Variants in COLEC11 observed in about 807,000 individuals in gnomAD.
COLEC11 encodes the protein collectin-11.
COLEC11 carries 20 observed loss-of-function variants against 27.3 expected under a neutral mutation model. That is an observed-to-expected ratio of 0.73 (90% CI 0.51 to 1.06). COLEC11 has a LOEUF of 1.06. Ranked by LOEUF, COLEC11 falls within the 50% of genes least tolerant of loss-of-function variation. The probability of loss-of-function intolerance (pLI) is 0.00; values close to 1 mark genes in which losing one functional copy is unlikely to be tolerated. For synonymous variants in COLEC11, 163 were observed against 154.7 expected (o/e 1.05, Z -0.40); for missense variants, 310 against 383.0 (o/e 0.81, Z 1.59).
chr2:3,612,132 A>G (rs536261149), intron 2 of COLEC11, among the ~76,000 whole-genome samples: 2 of 152,252 alleles, frequency 1.3e-5, no homozygotes, highest in Admixed American at 1.3e-4. Flanking sequence ...ACGCTGGCAC[A>G]ATTGTGCAGA....
chr2:3,603,478 A>G lies in COLEC11; in HGVS notation c.-26-837A>G, dbSNP rs976432368. On this transcript the variant is annotated intron_variant, in intron 1 of 6. Transcript: ENST00000349077. ...ATTAGAGGTGCCCGCCACCACACCC[A>G]GCTAATTTTTGTATTTTTAGAAGAC... 8.0e-6 allele frequency: 5 copies of G among 627,274 alleles called. No individual in the cohort carries two copies. In the African/African-American group the frequency reaches 9.1e-5, roughly 11 times the overall value. 38.9% of individuals were successfully genotyped at this position (627,274 alleles called of 1,614,324 possible).
At chr2:3,627,754 G>A (rs1462391120) in intron 3 of COLEC11, among the ~76,000 whole-genome samples, 3 of 151,690 alleles carry the variant, frequency 2.0e-5, no homozygotes, top group Non-Finnish European at 2.9e-5. Context: ...TAGGTATGAC[G>A]ATGCTGGGCA....
intron 2 of COLEC11, among the ~76,000 whole-genome samples, chr2:3,610,719 C>G (rs888695238): frequency 1.3e-5 from 2 of 152,190 alleles, no homozygotes; most frequent in Non-Finnish European, 2.9e-5. Flanking sequence ...CCTCAGAACA[C>G]TTCTTACTCT....
At chr2:3,606,337 A>C (rs899637771) in intron 2 of COLEC11, 6 of 1,096,672 alleles carry the variant, frequency 5.5e-6, no homozygotes, top group African/African-American at 1.6e-5. Flanking sequence ...GGTCCTTCCC[A>C]GCTGTCCACG....
At chr2:3,641,873 C>T (rs1333196862) in intron 5 of COLEC11, among the ~76,000 whole-genome samples, 1 of 152,158 alleles carries the variant, frequency 6.6e-6, no homozygotes, top group East Asian at 1.9e-4. Context: ...AGGCGTAAAG[C>T]CCACCCGCAC....
At position 3,595,172 on chromosome 2, in the gene COLEC11, G is replaced by A. The variant is rs1661762487; in HGVS notation, c.-27+4G>A. ...CGTTCGCCTAGCGCGTGCTCAGGTA[G>A]GAGACTCTGCCCGGGGCTGCAGCTG... On this transcript the variant is annotated splice_donor_region_variant and intron_variant, in intron 1 of 6. Transcript: ENST00000349077. 1 of 329,680 alleles carries A rather than the reference G, an allele frequency of 3.0e-6. No homozygotes were observed. The highest frequency in any genetic ancestry group is 6.1e-6 in the Non-Finnish European group (1 of 164,248). 20.4% of individuals were successfully genotyped at this position (329,680 alleles called of 1,614,324 possible).
At chr2:3,626,134 C>A (rs1188431197) in intron 3 of COLEC11, 2 of 1,521,692 alleles carry the variant, frequency 1.3e-6, no homozygotes, top group South Asian at 1.1e-5. Flanking sequence ...TAAGTTGGAC[C>A]CTGAGATGCA....
intron 2 of COLEC11, among the ~76,000 whole-genome samples, chr2:3,611,109 A>T (rs1434232027): frequency 6.6e-6 from 1 of 152,232 alleles, no homozygotes; most frequent in African/African-American, 2.4e-5. Context: ...GCAGCCACGA[A>T]GGCTTTGTTC....
chr2:3,616,026 C>A (rs1185498253), intron 3 of COLEC11, among the ~76,000 whole-genome samples: 1 of 151,506 alleles, frequency 6.6e-6, no homozygotes, highest in Non-Finnish European at 1.5e-5. Flanking sequence ...GGCGGAGGGG[C>A]TCCTCACCTC....
chr2:3,641,932 C>T (rs190372589), intron 5 of COLEC11, among the ~76,000 whole-genome samples: 35 of 152,312 alleles, frequency 2.3e-4, no homozygotes, highest in African/African-American at 7.7e-4. Context: ...GCCCAGGCTC[C>T]GATCCTGGGG....
chr2:3,635,530 G>A (rs1013865302), intron 3 of COLEC11, among the ~76,000 whole-genome samples: 3 of 152,200 alleles, frequency 2.0e-5, no homozygotes, highest in African/African-American at 4.8e-5. Context: ...GAGGACGGAC[G>A]AGGAAGTGGT....
intron 2 of COLEC11, chr2:3,606,127 T>G: frequency 1.3e-6 from 2 of 1,550,598 alleles, no homozygotes; most frequent in Non-Finnish European, 1.7e-6. Context: ...AACCTTCAGC[T>G]TTAGGTTGGA....
At chr2:3,633,509 AG>A (rs1238447550) in intron 3 of COLEC11, among the ~76,000 whole-genome samples, 3 of 152,200 alleles carry the variant, frequency 2.0e-5, no homozygotes, top group Non-Finnish European at 4.4e-5. Flanking sequence ...TCCCTGCCAT[AG>A]GGGGTTCTGA....
chr2:3,595,978 A>G (rs1351813519), intron 1 of COLEC11, among the ~76,000 whole-genome samples: 1 of 152,224 alleles, frequency 6.6e-6, no homozygotes, highest in Non-Finnish European at 1.5e-5. Flanking sequence ...TACAATTTTG[A>G]AAAATCCATG....
At chr2:3,641,722 G>A (rs1665884400) in intron 5 of COLEC11, among the ~76,000 whole-genome samples, 1 of 152,194 alleles carries the variant, frequency 6.6e-6, no homozygotes, top group Non-Finnish European at 1.5e-5. Flanking sequence ...GAGTGGAGGG[G>A]GGGTGTCTCA....
At chr2:3,597,136 A>G (rs536644257) in intron 1 of COLEC11, among the ~76,000 whole-genome samples, 6 of 151,946 alleles carry the variant, frequency 3.9e-5, no homozygotes, top group Non-Finnish European at 5.9e-5. Context: ...GGGAAGGCAC[A>G]AGAAATCCCA....
chr2:3,630,698 T>C (rs1010664608), intron 3 of COLEC11, among the ~76,000 whole-genome samples: 1 of 152,238 alleles, frequency 6.6e-6, no homozygotes, highest in Non-Finnish European at 1.5e-5. Flanking sequence ...TGAAGCTTCC[T>C]GGGCATTTTT....
intron 2 of COLEC11, among the ~76,000 whole-genome samples, chr2:3,612,033 G>A (rs945011553): frequency 2.0e-5 from 3 of 150,884 alleles, no homozygotes; most frequent in Non-Finnish European, 2.9e-5. Flanking sequence ...GGAACAGCTC[G>A]TGCCCTCGGT....
Position 3,635,299 on chromosome 2 carries a change from C to T in COLEC11, c.203-2234C>T, listed in dbSNP as rs538497172. ...ACTGCCTCCTGGGTGTCTCCCCAAT[C>T]TGGGCGTTTTTCTTATCCTCCCAGA... is the stretch of plus-strand genomic sequence containing the variant. On this transcript the variant is annotated intron_variant, in intron 3 of 6. Transcript: ENST00000349077. Among the ~76,000 whole-genome samples the T allele has an allele frequency of 2.1e-4, 32 of 152,256 alleles. No individual in the cohort carries two copies. The South Asian group carries it at 6.6e-3, about 32-fold the overall frequency.
Sources: gnomAD v4.1 joint callset for allele counts (sites outside exome capture counted in the v4.1 genomes callset) on GRCh38, gnomAD v4.1.1 for gene constraint, MANE v1.5 for transcripts, NCBI Gene and HGNC (gene_info 2026-07-23, HGNC 2026-07-21) for gene names.